The following TXNDC11 variants were observed in gnomAD, a reference collection of about 807,000 sequenced individuals.
TXNDC11 encodes thioredoxin domain containing 11.
A neutral mutation model predicts 78.0 loss-of-function variants in TXNDC11; 68 were observed. The ratio of observed to expected loss-of-function variants is 0.87; its 90% confidence interval spans 0.72 to 1.07. The LOEUF (loss-of-function observed/expected upper bound fraction) is 1.07, where lower values mean the gene tolerates loss of function less well. Ranked by LOEUF, TXNDC11 falls within the 50% of genes least tolerant of loss-of-function variation. The pLI, the probability that TXNDC11 is intolerant of heterozygous loss-of-function variation, is 0.00. For synonymous variants in TXNDC11, 571 were observed against 495.2 expected, an observed-to-expected ratio of 1.15 and a Z score of -2.03; for missense variants, 1,389 against 1,221.8, an observed-to-expected ratio of 1.14 and a Z score of -2.04.
chr16:11,701,986 A>C (rs2051040131), intron 5 of TXNDC11, among the ~76,000 whole-genome samples: 1 of 151,952 alleles, frequency 6.6e-6, no homozygotes, highest in African/African-American at 2.4e-5. Flanking sequence ...TATACACCAC[A>C]AACAGAGGCT....
intron 3 of TXNDC11, among the ~76,000 whole-genome samples, 160 bp downstream of exon 3, chr16:11,733,822 G>T (rs927885697): frequency 6.6e-6 from 1 of 152,110 alleles, no homozygotes; most frequent in Non-Finnish European, 1.5e-5. Flanking sequence ...TAAAAAGGGG[G>T]GTGGATTATC....
intron 5 of TXNDC11, among the ~76,000 whole-genome samples, chr16:11,717,299 G>A (rs939497829): frequency 8.6e-5 from 13 of 151,512 alleles, no homozygotes; most frequent in African/African-American, 2.9e-4. Flanking sequence ...GGTAGTGGGC[G>A]CAGTAGTGGG....
intron 7 of TXNDC11, among the ~76,000 whole-genome samples, chr16:11,695,913 T>A (rs886118242): frequency 6.6e-6 from 1 of 151,700 alleles, no homozygotes; most frequent in Non-Finnish European, 1.5e-5. Flanking sequence ...CGTGCACCTG[T>A]AGTCCCAGCT....
rs554740115 is a variant in TXNDC11 at position 11,735,676 on chromosome 16, C to A, written c.471+341G>T. 5.3e-5 allele frequency among the ~76,000 whole-genome samples: 8 copies of A among 152,278 alleles called. No homozygotes were observed. In the East Asian group the frequency reaches 7.7e-4, roughly 15 times the overall value. ...GTCATATCATACATACATTTTCTTACCTAAAATACCTAACTAGCAAGTATC... is the reference window on the plus strand; with the variant it reads ...GTCATATCATACATACATTTTCTTAACTAAAATACCTAACTAGCAAGTATC... On this transcript the variant is annotated intron_variant, in intron 2 of 11. Transcript: ENST00000283033.
intron 5 of TXNDC11, among the ~76,000 whole-genome samples, chr16:11,705,051 T>A (rs147311861): frequency 6.6e-6 from 1 of 151,952 alleles, no homozygotes; most frequent in African/African-American, 2.4e-5. Flanking sequence ...TGCACCCCCA[T>A]GTCCAGCTAA....
intron 6 of TXNDC11, among the ~76,000 whole-genome samples, chr16:11,699,281 C>T (rs982103559): frequency 2.6e-5 from 4 of 152,204 alleles, no homozygotes; most frequent in Non-Finnish European, 5.9e-5. Flanking sequence ...CATAGTCCTA[C>T]CTTTCTTTCC....
chr16:11,700,578 T>C lies in TXNDC11; in HGVS notation c.794-14A>G, dbSNP rs756653348. 3.5e-6 allele frequency: 5 copies of C among 1,425,446 alleles called. No homozygotes were observed. Among genetic ancestry groups the C allele is most frequent in the Non-Finnish European group, 4.9e-6 (5 of 1,014,876 alleles). 88.3% of individuals were successfully genotyped at this position (1,425,446 alleles called of 1,614,324 possible). A position where few individuals can be genotyped will look rare whatever the true frequency, so the allele number is the denominator to read the frequency against. On this transcript the variant is annotated splice_polypyrimidine_tract_variant and intron_variant, in intron 5 of 11. Coordinates refer to ENST00000283033, the MANE Select transcript of TXNDC11 (RefSeq NM_015914.7). ...TTCCTAGGTAATCTGAAACAGAAAA[T>C]TTTCCTTTATTAAAGAAAAGGCCTG...
In TXNDC11 at chr16:11,688,399, C is replaced by A; in HGVS notation, c.1947G>T (p.Arg649Ser). ...NFSVLYSPLK[R>S]HLIGSGSAQF... ...GGGCAGAGCCACTTCCAATGAGATG[C>A]CTTTTCAAGGGACTATAGAGAACGC... Residue 649 changes from arginine (R) to serine (S), a missense_variant, in exon 9 of 12, where the codon AGG becomes AGT. Transcript: ENST00000283033. 1 of 1,613,910 alleles carries A rather than the reference C, an allele frequency of 6.2e-7. No homozygotes were observed.
intron 4 of TXNDC11, among the ~76,000 whole-genome samples, chr16:11,726,386 T>A (rs945313095): frequency 6.6e-6 from 1 of 151,806 alleles, no homozygotes; most frequent in Non-Finnish European, 1.5e-5. Context: ...ATAGAGACCA[T>A]CCTAGCTAAC....
Position 11,694,820 on chromosome 16 carries a change from C to T in TXNDC11, c.1108-2738G>A, listed in dbSNP as rs547998777. ...TGAAGGGGAATTTATGTTTCTATTCCTTTTACCTAACAGGCAGTTTTGAAA... is the reference window on the plus strand; with the variant it reads ...TGAAGGGGAATTTATGTTTCTATTCTTTTTACCTAACAGGCAGTTTTGAAA... On this transcript the variant is annotated intron_variant, in intron 7 of 11. Coordinates refer to ENST00000283033, the MANE Select transcript of TXNDC11 (RefSeq NM_015914.7). Among the ~76,000 whole-genome samples the T allele has an allele frequency of 2.6e-5, 4 of 152,052 alleles. No homozygotes were observed. In the South Asian group the frequency reaches 8.3e-4, roughly 31 times the overall value.
At chr16:11,725,908 C>T (rs756065643) in intron 4 of TXNDC11, among the ~76,000 whole-genome samples, 1 of 152,152 alleles carries the variant, frequency 6.6e-6, no homozygotes, top group Non-Finnish European at 1.5e-5. Flanking sequence ...TGGAGTCTCA[C>T]TCTGTTGCCC....
chr16:11,710,487 G>A lies in TXNDC11; in HGVS notation c.794-9923C>T, dbSNP rs566355703. 2.6e-5 allele frequency among the ~76,000 whole-genome samples: 4 copies of A among 152,290 alleles called. No homozygotes were observed. In the East Asian group the frequency reaches 7.7e-4, roughly 29 times the overall value. On this transcript the variant is annotated intron_variant, in intron 5 of 11. Coordinates refer to ENST00000283033, the MANE Select transcript of TXNDC11 (RefSeq NM_015914.7). Reference sequence around the variant, plus strand: ...GCAAAGCTCCCTTATTTAACAGATGGGGAACCTGAAACCTGAAGGCCAGTG... The same window carrying A: ...GCAAAGCTCCCTTATTTAACAGATGAGGAACCTGAAACCTGAAGGCCAGTG...
intron 5 of TXNDC11, among the ~76,000 whole-genome samples, chr16:11,708,258 T>C (rs1188071115): frequency 1.3e-5 from 2 of 152,224 alleles, no homozygotes; most frequent in African/African-American, 4.8e-5. Flanking sequence ...TTGGCACTTA[T>C]CTGGTAAGAT....
intron 7 of TXNDC11, among the ~76,000 whole-genome samples, chr16:11,694,007 C>G (rs560157793): frequency 2.0e-5 from 3 of 149,562 alleles, no homozygotes; most frequent in Admixed American, 6.7e-5. Flanking sequence ...AAAAATCTTT[C>G]TTCATCTCTT....
chr16:11,697,855 G>T lies in TXNDC11; in HGVS notation c.1107+270C>A, dbSNP rs7204473. 9.9e-3 allele frequency among the ~76,000 whole-genome samples: 1,511 copies of T among 152,282 alleles called. 26 individuals are homozygous for T. The highest frequency in any genetic ancestry group is 0.035 in the African/African-American group (1,441 of 41,544). On this transcript the variant is annotated intron_variant, in intron 7 of 11. Coordinates refer to ENST00000283033, the MANE Select transcript of TXNDC11 (RefSeq NM_015914.7). ...AGGGCATTTGGTCCTTCTCTAGAAGGGCACGGTGTGGCTTCCCTGCCTCTT... is the reference window on the plus strand; with the variant it reads ...AGGGCATTTGGTCCTTCTCTAGAAGTGCACGGTGTGGCTTCCCTGCCTCTT...
chr16:11,740,777 C>G (rs2052367466), intron 1 of TXNDC11, among the ~76,000 whole-genome samples: 1 of 152,228 alleles, frequency 6.6e-6, no homozygotes, highest in South Asian at 2.1e-4. Flanking sequence ...ATCACGAAGG[C>G]TGGACTCCTT....
chr16:11,698,827 C>G (rs1399175682), intron 6 of TXNDC11, among the ~76,000 whole-genome samples: 1 of 152,186 alleles, frequency 6.6e-6, no homozygotes, highest in African/African-American at 2.4e-5. Flanking sequence ...TCCTCCGGGC[C>G]TAGACGAACA....
chr16:11,713,793 G>C (rs933878557), intron 5 of TXNDC11, among the ~76,000 whole-genome samples: 2 of 151,534 alleles, frequency 1.3e-5, no homozygotes, highest in African/African-American at 4.8e-5. Context: ...CAGGCAGATA[G>C]TTAGAAAAAG....
intron 5 of TXNDC11, among the ~76,000 whole-genome samples, chr16:11,703,179 G>A (rs998192508): frequency 3.9e-5 from 6 of 152,092 alleles, no homozygotes; most frequent in East Asian, 3.8e-4. Flanking sequence ...TATTGCAAAC[G>A]GGTAACACCA....
Sources: allele counts gnomAD v4.1 joint callset (sites outside exome capture counted in the v4.1 genomes callset), GRCh38; gene constraint gnomAD v4.1.1; transcripts MANE v1.5; gene names NCBI Gene and HGNC (gene_info 2026-07-23, HGNC 2026-07-21).